ANO10: variants seen among roughly 807,000 people sequenced by gnomAD.
ANO10 encodes the protein anoctamin-10.
A neutral mutation model predicts 74.7 loss-of-function variants in ANO10; 77 were observed. The observed-to-expected ratio is 1.03, with a 90% CI of 0.86 to 1.25. ANO10 has a LOEUF of 1.25. Ranked by LOEUF, ANO10 falls within the 50% of genes most tolerant of loss-of-function variation. ANO10 has a pLI of 0.00. For synonymous variants in ANO10, 279 were observed against 284.9 expected (o/e 0.98, Z 0.21); for missense variants, 721 against 778.1 (o/e 0.93, Z 0.87).
intron 10 of ANO10, among the ~76,000 whole-genome samples, chr3:43,554,436 G>A (rs1467885670): frequency 5.3e-5 from 8 of 151,842 alleles, no homozygotes; most frequent in South Asian, 2.1e-4. Flanking sequence ...CAGGTAATCC[G>A]CCTGCCTCAA....
intron 9 of ANO10, among the ~76,000 whole-genome samples, chr3:43,556,046 G>A (rs780907512): frequency 2.6e-5 from 4 of 152,122 alleles, no homozygotes; most frequent in Non-Finnish European, 4.4e-5. Flanking sequence ...ATTCAAGGGC[G>A]AGCAGTTTCT....
intron 1 of ANO10, among the ~76,000 whole-genome samples, chr3:43,627,571 T>G (rs981188829): frequency 6.6e-6 from 1 of 152,246 alleles, no homozygotes; most frequent in Non-Finnish European, 1.5e-5. Flanking sequence ...AACCTTCCTA[T>G]TCAGGGGAGG....
At chr3:43,596,175 T>C (rs1340700439) in intron 4 of ANO10, among the ~76,000 whole-genome samples, 1 of 152,018 alleles carries the variant, frequency 6.6e-6, no homozygotes, top group Non-Finnish European at 1.5e-5. Flanking sequence ...ATCGTGAAAA[T>C]AGCCATACTG....
intron 11 of ANO10, among the ~76,000 whole-genome samples, chr3:43,483,539 A>G (rs1236624815): frequency 1.3e-5 from 2 of 152,230 alleles, no homozygotes; most frequent in East Asian, 1.9e-4. Context: ...ACATTGCTCA[A>G]AAGATTCGTA....
chr3:43,371,461 C>T (rs976202391), intron 12 of ANO10, among the ~76,000 whole-genome samples: 3 of 152,142 alleles, frequency 2.0e-5, no homozygotes, highest in East Asian at 1.9e-4. Flanking sequence ...TCCTACTCCC[C>T]GACCCAAAGT....
At chr3:43,515,361 T>C (rs1236626174) in intron 11 of ANO10, among the ~76,000 whole-genome samples, 1 of 152,204 alleles carries the variant, frequency 6.6e-6, no homozygotes, top group Non-Finnish European at 1.5e-5. Flanking sequence ...GAATTCTCTC[T>C]ACCTGTCTTC....
intron 10 of ANO10, among the ~76,000 whole-genome samples, chr3:43,554,890 A>C (rs777053336): frequency 1.3e-5 from 2 of 152,120 alleles, no homozygotes; most frequent in Non-Finnish European, 2.9e-5. Flanking sequence ...GCAAAAACTA[A>C]AAAAGGAGTC....
chr3:43,565,801 C>T (rs2080291924), intron 7 of ANO10, 74 bp from the exon 8 acceptor site: 2 of 1,475,498 alleles, frequency 1.4e-6, no homozygotes, highest in East Asian at 5.0e-5. Flanking sequence ...TGTAATGCAG[C>T]ATTTAAAAAT....
intron 7 of ANO10, among the ~76,000 whole-genome samples, chr3:43,568,643 C>A (rs1375205337): frequency 6.7e-6 from 1 of 149,786 alleles, no homozygotes; most frequent in East Asian, 2.0e-4. Context: ...CCAACGAGAA[C>A]AAAGACACAA....
At chr3:43,546,317 A>G (rs767431990) in intron 11 of ANO10, among the ~76,000 whole-genome samples, 14 of 152,228 alleles carry the variant, frequency 9.2e-5, no homozygotes, top group Non-Finnish European at 1.5e-4. Context: ...AGAAAGAAGA[A>G]CAAAGTTAGT....
At chr3:43,430,289 C>A (rs1320056962) in intron 12 of ANO10, among the ~76,000 whole-genome samples, 6 of 148,128 alleles carry the variant, frequency 4.1e-5, no homozygotes, top group Non-Finnish European at 7.5e-5. Context: ...CAGAAGTTTT[C>A]ATTTTTCATG....
At chr3:43,620,315 T>C (rs776583367) in intron 1 of ANO10, among the ~76,000 whole-genome samples, 14 of 152,150 alleles carry the variant, frequency 9.2e-5, no homozygotes, top group Non-Finnish European at 1.9e-4. Context: ...TGAAGTAATA[T>C]AACAATATTA....
intron 12 of ANO10, among the ~76,000 whole-genome samples, chr3:43,404,232 A>G (rs747512059): frequency 1.3e-5 from 2 of 152,174 alleles, no homozygotes; most frequent in African/African-American, 2.4e-5. Flanking sequence ...AGTAAGTGTC[A>G]TGCTGCGAGA....
intron 12 of ANO10, among the ~76,000 whole-genome samples, chr3:43,399,768 C>T (rs2092446858): frequency 6.6e-6 from 1 of 152,146 alleles, no homozygotes; most frequent in South Asian, 2.1e-4. Flanking sequence ...CAGAAGAGCC[C>T]CCAGGGCACA....
At chr3:43,626,722 C>T (rs1011042891), upstream of ANO10, among the ~76,000 whole-genome samples, 2 of 152,102 alleles carry the variant, frequency 1.3e-5, no homozygotes, top group Admixed American at 6.5e-5. Flanking sequence ...ATTAATAATC[C>T]GTATTTCCCC....
chr3:43,535,909 G>A (rs1348051611), intron 11 of ANO10, among the ~76,000 whole-genome samples: 1 of 152,162 alleles, frequency 6.6e-6, no homozygotes, highest in South Asian at 2.1e-4. Flanking sequence ...GAATAAGCAG[G>A]ACTTGGCACC....
At chr3:43,578,037 G>C (rs2081094833) in intron 5 of ANO10, among the ~76,000 whole-genome samples, 1 of 152,084 alleles carries the variant, frequency 6.6e-6, no homozygotes. Flanking sequence ...TGGGAAGCAG[G>C]GGGTGAGAGG....
At chr3:43,408,485 G>C (rs1437949862) in intron 12 of ANO10, among the ~76,000 whole-genome samples, 1 of 152,032 alleles carries the variant, frequency 6.6e-6, no homozygotes, top group Non-Finnish European at 1.5e-5. Context: ...TTCACTTCCC[G>C]ACCTGCTCCT....
At chr3:43,404,895 A>AC (rs1553648556) in intron 12 of ANO10, among the ~76,000 whole-genome samples, 1 of 146,282 alleles carries the variant, frequency 6.8e-6, no homozygotes, top group African/African-American at 2.5e-5. Context: ...AAAAAAAAAA[A>AC]CCACCAAAAA....
Sources: gnomAD v4.1 joint callset for allele counts (sites outside exome capture counted in the v4.1 genomes callset) on GRCh38, gnomAD v4.1.1 for gene constraint, MANE v1.5 for transcripts, NCBI Gene and HGNC (gene_info 2026-07-23, HGNC 2026-07-21) for gene names.